Variants in ACKR2 observed in about 807,000 individuals in gnomAD.
ACKR2 encodes the protein C-C chemokine receptor D6.
For synonymous variants in ACKR2, 207 were observed against 192.2 expected, an observed-to-expected ratio of 1.08 and a Z score of -0.64; for missense variants, 457 against 477.3, an observed-to-expected ratio of 0.96 and a Z score of 0.40.
rs2088427400 is a variant in ACKR2 at position 42,865,459 on chromosome 3, C to T, written c.957C>T (p.Phe319=). The change falls in exon 3 of 3, where the codon TTC becomes TTT. Residue 319 remains phenylalanine, a synonymous_variant. Transcript: ENST00000422265. The part of the protein sequence containing the change: ...PILYAFSSHR[F]RQYLKAFLAA... ...TGTATGCCTTCTCCAGTCACCGCTT[C>T]CGCCAGTACCTGAAGGCTTTCCTGG... 1.9e-6 allele frequency: 3 copies of T among 1,614,200 alleles called. No homozygotes were observed. Among genetic ancestry groups the T allele is most frequent in the Non-Finnish European group, 2.5e-6 (3 of 1,180,038 alleles).
intron 2 of ACKR2, among the ~76,000 whole-genome samples, chr3:42,850,019 A>G (rs553995531): frequency 6.6e-6 from 1 of 152,282 alleles, no homozygotes; most frequent in Non-Finnish European, 1.5e-5. Context: ...TCTAAAAATT[A>G]TTTTAAAATA....
Position 42,852,454 on chromosome 3 carries a change from G to C in ACKR2, c.-37-12012G>C, listed in dbSNP as rs377251499. 6.6e-6 allele frequency: 1 copy of C among 152,208 alleles called. No homozygotes were observed. The highest frequency in any genetic ancestry group is 2.1e-4 in the South Asian group (1 of 4,830). The allele number at this position is 152,208 out of a possible 1,614,324, so 9.4% of individuals were successfully genotyped here. Reference sequence around the variant, plus strand: ...TTAGCTGAAATAAGTTTTGGGAGGAGGGTTACTCTTGTGATTTTATATATG... The same window carrying C: ...TTAGCTGAAATAAGTTTTGGGAGGACGGTTACTCTTGTGATTTTATATATG... On this transcript the variant is annotated intron_variant, in intron 2 of 2. Transcript: ENST00000422265. The surrounding 1 kb of genome is among the most constrained non-coding windows in gnomAD (Gnocchi z 4.3).
At chr3:42,840,983 C>A (rs1378278471) in intron 2 of ACKR2, among the ~76,000 whole-genome samples, 1 of 152,226 alleles carries the variant, frequency 6.6e-6, no homozygotes, top group African/African-American at 2.4e-5. Context: ...AGTCAAGGAG[C>A]CTGGCCAAGT....
chr3:42,821,795 C>T (rs771219863), intron 2 of ACKR2, among the ~76,000 whole-genome samples: 2 of 151,918 alleles, frequency 1.3e-5, no homozygotes, highest in Admixed American at 1.3e-4. Flanking sequence ...TTCCCGGGTT[C>T]ACGCCATTCT....
chr3:42,848,984 T>C (rs1318292569), intron 2 of ACKR2, among the ~76,000 whole-genome samples: 1 of 152,118 alleles, frequency 6.6e-6, no homozygotes, highest in East Asian at 1.9e-4. Context: ...GTCAAGGTCA[T>C]GAAAGACAAA....
chr3:42,817,631 C>T (rs1175428616), intron 1 of ACKR2, among the ~76,000 whole-genome samples: 3 of 152,042 alleles, frequency 2.0e-5, no homozygotes, highest in African/African-American at 7.2e-5. Flanking sequence ...TTCCTAGATT[C>T]TTCATCCTTT....
At chr3:42,854,556 G>A (rs2088291215) in intron 2 of ACKR2, among the ~76,000 whole-genome samples, 1 of 152,172 alleles carries the variant, frequency 6.6e-6, no homozygotes, top group Non-Finnish European at 1.5e-5. Context: ...CCCCCCATTT[G>A]CTAATCTGAG....
chr3:42,824,309 A>G (rs984496757), intron 2 of ACKR2, among the ~76,000 whole-genome samples: 2 of 152,164 alleles, frequency 1.3e-5, no homozygotes, highest in African/African-American at 4.8e-5. Flanking sequence ...TTTTTAAAAA[A>G]TATTTTCAGT....
intron 1 of ACKR2, 62 bp from the exon 2 acceptor site, chr3:42,819,569 C>A (rs546516559): frequency 2.6e-5 from 4 of 152,348 alleles, no homozygotes; most frequent in South Asian, 4.1e-4. Flanking sequence ...ATGCATGTAC[C>A]TTGGGTTACA....
At chr3:42,812,975 C>T (rs549304942) in intron 1 of ACKR2, among the ~76,000 whole-genome samples, 1 of 152,278 alleles carries the variant, frequency 6.6e-6, no homozygotes, top group African/African-American at 2.4e-5. Context: ...AGGCATGAGC[C>T]ACTATGCCCG....
At position 42,810,915 on chromosome 3, in the gene ACKR2, C is replaced by T. The variant is rs148559453; in HGVS notation, c.-119+1383C>T. Among the ~76,000 whole-genome samples the T allele has an allele frequency of 5.2e-3, 794 of 152,346 alleles. 5 individuals carry two copies. The highest frequency in any genetic ancestry group is 8.0e-3 in the Non-Finnish European group (544 of 68,030). ...TCGCTCTGTTGCCCAGGCTGGAATG[C>T]AGTGGTGCAACCTTGGCTCACTGCA... On this transcript the variant is annotated intron_variant, in intron 1 of 2. Coordinates refer to ENST00000422265, the MANE Select transcript of ACKR2 (RefSeq NM_001296.5).
Position 42,865,130 on chromosome 3 carries a change from C to T in ACKR2, c.628C>T (p.Leu210Phe), listed in dbSNP as rs1327703996. The change falls in exon 3 of 3, where the codon CTC (leucine) becomes TTC (phenylalanine). Residue 210 changes from leucine to phenylalanine, a missense_variant. Coordinates refer to ENST00000422265, the MANE Select transcript of ACKR2 (RefSeq NM_001296.5). ...GCATGGGACCATTTGGAAGCTCTTC[C>T]TCCGCTTCCAGCAGAACCTCCTAGG... The part of the protein sequence containing the change: ...GGHGTIWKLF[L>F]RFQQNLLGFL... 6.2e-7 allele frequency: 1 copy of T among 1,614,076 alleles called. No individual in the cohort carries two copies. The highest frequency in any genetic ancestry group is 2.2e-5 in the East Asian group (1 of 44,880).
rs140013499 is a variant in ACKR2, at chr3:42,846,292, C to G, written c.-37-18174C>G. ...AGTGAAGGGGTGGTCAGGCAAGGTC[C>G]CCAGTTCTCAACTGTTGATTAGCTG... On this transcript the variant is annotated intron_variant, in intron 2 of 2. Coordinates refer to ENST00000422265, the MANE Select transcript of ACKR2 (RefSeq NM_001296.5). Among the ~76,000 whole-genome samples the G allele has an allele frequency of 2.3e-3, 354 of 152,266 alleles. 2 individuals are homozygous for G. Among genetic ancestry groups the G allele is most frequent in the African/African-American group, 8.1e-3 (338 of 41,544 alleles).
intron 2 of ACKR2, among the ~76,000 whole-genome samples, chr3:42,842,251 T>A (rs1701046524): frequency 6.6e-6 from 1 of 152,118 alleles, no homozygotes; most frequent in African/African-American, 2.4e-5. Context: ...TGGACAAACA[T>A]GTTTTATTTT....
At position 42,855,826 on chromosome 3, in the gene ACKR2, C is replaced by A. The variant is rs182347931; in HGVS notation, c.-37-8640C>A. On this transcript the variant is annotated intron_variant, in intron 2 of 2. Coordinates refer to ENST00000422265, the MANE Select transcript of ACKR2 (RefSeq NM_001296.5). ...CATGTAGAGAGAGAACAAAGGTGGC[C>A]TGGACTAGCAGGTTCTGCTGACTCT... 3.7e-3 allele frequency among the ~76,000 whole-genome samples: 562 copies of A among 152,270 alleles called. 6 individuals are homozygous for A. The highest frequency in any genetic ancestry group is 0.012 in the African/African-American group (502 of 41,546).
intron 2 of ACKR2, among the ~76,000 whole-genome samples, chr3:42,840,102 C>CA (rs955730463): frequency 6.0e-5 from 9 of 150,984 alleles, no homozygotes; most frequent in Non-Finnish European, 1.0e-4. Context: ...ACTAAAAATA[C>CA]AAAAAAAATT....
intron 1 of ACKR2, among the ~76,000 whole-genome samples, chr3:42,813,123 G>A (rs993232749): frequency 1.5e-4 from 23 of 152,082 alleles, no homozygotes; most frequent in African/African-American, 5.3e-4. Context: ...ATTTTATTTA[G>A]CATTAGGGCC....
At chr3:42,814,655 G>T (rs963401877) in intron 1 of ACKR2, among the ~76,000 whole-genome samples, 4 of 152,130 alleles carry the variant, frequency 2.6e-5, no homozygotes, top group Admixed American at 2.6e-4. Context: ...TACCAGATTT[G>T]GGAGTCACCA....
At chr3:42,851,504 G>A (rs1378548227) in intron 2 of ACKR2, 1 of 889,886 alleles carries the variant, frequency 1.1e-6, no homozygotes, top group Non-Finnish European at 1.3e-6. Context: ...GACTTCCCAG[G>A]GGACACAGGG....
Sources: gnomAD v4.1 joint callset for allele counts (sites outside exome capture counted in the v4.1 genomes callset) on GRCh38, gnomAD v4.1.1 for gene constraint, Gnocchi (gnomAD v3.1) non-coding constraint, MANE v1.5 for transcripts, NCBI Gene and HGNC (gene_info 2026-07-23, HGNC 2026-07-21) for gene names.